Variants in KCNK9 observed in about 807,000 individuals in gnomAD.
The protein encoded by KCNK9 is potassium two pore domain channel subfamily K member 9, also known as potassium channel subfamily K member 9.
A neutral mutation model predicts 10.8 loss-of-function variants in KCNK9; 1 was observed. The ratio of observed to expected loss-of-function variants is 0.09; its 90% CI spans 0.03 to 0.44. The LOEUF (loss-of-function observed/expected upper bound fraction) is 0.44. Ranked by LOEUF, KCNK9 falls within the 20% of genes least tolerant of loss-of-function variation. The pLI, the probability that KCNK9 is intolerant of heterozygous loss-of-function variation, is 0.97. For synonymous variants in KCNK9, 231 were observed against 222.7 expected, an observed-to-expected ratio of 1.04 and a Z score of -0.33; for missense variants, 303 against 515.0, an observed-to-expected ratio of 0.59 and a Z score of 3.98.
intron 1 of KCNK9, among the ~76,000 whole-genome samples, chr8:139,694,713 C>T (rs1817011128): frequency 6.6e-6 from 1 of 152,148 alleles, no homozygotes; most frequent in Non-Finnish European, 1.5e-5. Flanking sequence ...CAAACTTCAG[C>T]CCACCCTCCT....
intron 2 of KCNK9, among the ~76,000 whole-genome samples, chr8:139,602,575 G>A (rs192014025): frequency 1.2e-3 from 183 of 152,312 alleles, no homozygotes; most frequent in Admixed American, 2.1e-3. Context: ...CCTACCACAC[G>A]ATGATAGGAA....
At chr8:139,699,288 T>G (rs1041277756) in intron 1 of KCNK9, among the ~76,000 whole-genome samples, 3 of 152,176 alleles carry the variant, frequency 2.0e-5, no homozygotes, top group African/African-American at 7.2e-5. Flanking sequence ...GAAGGTCACA[T>G]GTGTGTTCCA....
rs551876612 is a variant in KCNK9, at chr8:139,618,140, A to G, written c.*118T>C. ...AAGAGACCAAGAAAGGAGGAAGGAG[A>G]GAAAGTAATAATGATGACAATAATA... On this transcript the variant is annotated 3_prime_UTR_variant, in exon 2 of 2. Transcript: ENST00000520439. The surrounding 1 kb of genome is among the most constrained non-coding windows in gnomAD (Gnocchi z 7.9). The G allele has an allele frequency of 2.4e-5, 33 of 1,375,202 alleles. No homozygotes were observed. The highest frequency in any genetic ancestry group is 3.0e-6 in the Non-Finnish European group (3 of 994,440). The allele number at this position is 1,375,202 out of a possible 1,614,324, so 85.2% of individuals were successfully genotyped here. A position where few individuals can be genotyped will look rare whatever the true frequency, so the allele number is the denominator to read the frequency against.
At chr8:139,694,054 T>C (rs939215783) in intron 1 of KCNK9, among the ~76,000 whole-genome samples, 1 of 152,026 alleles carries the variant, frequency 6.6e-6, no homozygotes, top group African/African-American at 2.4e-5. Context: ...ATCCATTGGA[T>C]GGTAGGAGCT....
chr8:139,666,077 G>T (rs1816291947), intron 1 of KCNK9, among the ~76,000 whole-genome samples: 1 of 152,214 alleles, frequency 6.6e-6, no homozygotes, highest in Admixed American at 6.5e-5. Flanking sequence ...GTCCCATCTG[G>T]GATTTGATCC....
intron 1 of KCNK9, among the ~76,000 whole-genome samples, chr8:139,701,097 CCT>C (rs1271034235): frequency 6.6e-6 from 1 of 152,170 alleles, no homozygotes; most frequent in South Asian, 2.1e-4. Context: ...CAAACAGGCC[CCT>C]GTCTCCCAGA....
At chr8:139,654,241 T>G (rs1251788983) in intron 1 of KCNK9, among the ~76,000 whole-genome samples, 1 of 152,234 alleles carries the variant, frequency 6.6e-6, no homozygotes, top group African/African-American at 2.4e-5. Context: ...TTTTAATACT[T>G]ACATGGAAAA....
At chr8:139,658,474 G>C (rs1816074332) in intron 1 of KCNK9, among the ~76,000 whole-genome samples, 1 of 152,180 alleles carries the variant, frequency 6.6e-6, no homozygotes, top group African/African-American at 2.4e-5. Context: ...GGTCACGCCT[G>C]ACTTCCCTGC....
At chr8:139,684,507 A>C (rs534911498) in intron 1 of KCNK9, among the ~76,000 whole-genome samples, 10 of 152,222 alleles carry the variant, frequency 6.6e-5, no homozygotes, top group Non-Finnish European at 1.5e-4. Context: ...AAAAATATGA[A>C]CATATACATA....
intron 1 of KCNK9, among the ~76,000 whole-genome samples, chr8:139,652,566 C>G (rs548134241): frequency 7.5e-4 from 114 of 152,140 alleles, no homozygotes; most frequent in Non-Finnish European, 1.5e-3. Flanking sequence ...GGGCGGGGGC[C>G]GCCAGCCTGC....
chr8:139,612,381 T>C (rs190916302), downstream of KCNK9: 255 of 152,294 alleles, frequency 1.7e-3, 1 homozygote, highest in African/African-American at 5.7e-3. Context: ...ATTTTTATGA[T>C]GATGAATGAG....
At position 139,702,689 on chromosome 8, in the gene KCNK9, A is replaced by G. The variant is rs2129829747; in HGVS notation, c.283+21T>C. On this transcript the variant is annotated intron_variant, in intron 1 of 1. Transcript: ENST00000520439. The surrounding 1 kb of genome is among the most constrained non-coding windows in gnomAD (Gnocchi z 7.5). ...GACTCCTCCCGGGGCGCGGGAGCCC[A>G]GCGGCGCGCCCAGCCCTTACCTATG... 6.3e-7 allele frequency: 1 copy of G among 1,594,348 alleles called. No homozygotes were observed.
intron 1 of KCNK9, among the ~76,000 whole-genome samples, chr8:139,623,541 C>T (rs1266778008): frequency 2.6e-5 from 4 of 152,094 alleles, no homozygotes; most frequent in Admixed American, 6.5e-5. Flanking sequence ...CACAGGTGAC[C>T]CCTAGGCTGT....
intron 1 of KCNK9, among the ~76,000 whole-genome samples, chr8:139,683,174 G>C (rs115637075): frequency 6.6e-6 from 1 of 152,142 alleles, no homozygotes; most frequent in African/African-American, 2.4e-5. Flanking sequence ...GTCCCAGAAC[G>C]AAAGGCTCAA....
chr8:139,700,087 A>G (rs1171053234), intron 1 of KCNK9, among the ~76,000 whole-genome samples: 1 of 152,186 alleles, frequency 6.6e-6, no homozygotes, highest in African/African-American at 2.4e-5. Context: ...AAAAAAAGAA[A>G]AAAAAACAAA....
In KCNK9 at chr8:139,619,225, T is replaced by TCTGCAGGGTAG. The variant is rs1024706258; in HGVS notation, c.284-137_284-127dup. 9.2e-6 allele frequency: 10 copies of TCTGCAGGGTAG among 1,091,458 alleles called. No individual in the cohort carries two copies. In the African/African-American group the frequency reaches 1.6e-4, roughly 17 times the overall value. The allele number at this position is 1,091,458 out of a possible 1,614,324, so 67.6% of individuals were successfully genotyped here. On this transcript the variant is annotated intron_variant, in intron 1 of 1. Transcript: ENST00000520439. ...GGGACCTGGTACTGGGGGAATTTCC[T>TCTGCAGGGTAG]CTGCAGGGTAGAGGGGCGTGGCCAT... is the stretch of plus-strand genomic sequence containing the variant.
chr8:139,634,849 C>T (rs997840734), intron 1 of KCNK9, among the ~76,000 whole-genome samples: 54 of 152,260 alleles, frequency 3.5e-4, no homozygotes, highest in African/African-American at 1.1e-3. Flanking sequence ...TGAGAGCCTC[C>T]GTGAGGGGAC....
intron 1 of KCNK9, among the ~76,000 whole-genome samples, chr8:139,671,487 C>A (rs1342389037): frequency 6.6e-6 from 1 of 150,496 alleles, no homozygotes; most frequent in East Asian, 2.0e-4. Context: ...CACTTGCTGG[C>A]GTTCATTCTT....
At chr8:139,644,011 G>A (rs769759268) in intron 1 of KCNK9, among the ~76,000 whole-genome samples, 2 of 152,212 alleles carry the variant, frequency 1.3e-5, no homozygotes, top group East Asian at 3.9e-4. Flanking sequence ...CCTCTGCCAC[G>A]ATACCCACAG....
Sources: gnomAD v4.1 joint callset for allele counts (sites outside exome capture counted in the v4.1 genomes callset) on GRCh38, gnomAD v4.1.1 for gene constraint, Gnocchi (gnomAD v3.1) non-coding constraint, MANE v1.5 for transcripts, NCBI Gene and HGNC (gene_info 2026-07-23, HGNC 2026-07-21) for gene names.